BRD8: variants seen among roughly 807,000 people sequenced by gnomAD.
BRD8 encodes bromodomain-containing protein 8.
Under a neutral mutation model 143.1 loss-of-function variants are expected in BRD8, and 67 were observed. The observed-to-expected ratio is 0.47, with a 90% confidence interval of 0.38 to 0.57. BRD8 has a LOEUF of 0.57. BRD8 is among the 20% of genes least tolerant of loss of function. BRD8 has a pLI of 0.00. For synonymous variants in BRD8, 505 were observed against 517.1 expected (o/e 0.98, Z 0.32); for missense variants, 1,103 against 1,503.0 (o/e 0.73, Z 4.40).
rs78690181 is a variant in BRD8 at position 138,169,589 on chromosome 5, T to G, written c.506-231A>C. On this transcript the variant is annotated intron_variant, in intron 7 of 26. Transcript: ENST00000254900. ...AACTCCTTTAACAATCTCAAACTAC[T>G]TAATTATCCCAAAGGTCCTTGGAGT... Among the ~76,000 whole-genome samples, 168 of 152,348 alleles carry G rather than the reference T, an allele frequency of 1.1e-3. 2 individuals are homozygous for G. The East Asian group carries it at 0.032, about 29-fold the overall frequency.
intron 23 of BRD8, among the ~76,000 whole-genome samples, chr5:138,146,843 G>A (rs2151182264): frequency 6.6e-6 from 1 of 151,786 alleles, no homozygotes; most frequent in East Asian, 2.0e-4. Flanking sequence ...GGTGGCGGGT[G>A]CCTGTAGTCC....
Position 138,145,791 on chromosome 5 carries a change from G to C in BRD8, c.3366C>G (p.His1122Gln). 6.2e-7 allele frequency: 1 copy of C among 1,613,570 alleles called. No homozygotes were observed. Among genetic ancestry groups the C allele is most frequent in the Non-Finnish European group, 8.5e-7 (1 of 1,179,532 alleles). Reference sequence around the variant, plus strand: ...CTATTACCACTTTGGAGACCTACCTGTGACTGGCAATCATCTTCCAGACTG... The same window carrying C: ...CTATTACCACTTTGGAGACCTACCTCTGACTGGCAATCATCTTCCAGACTG... ...LLPVWKMIAS[H>Q]RFSSPFLKPV... Residue 1122 changes from histidine (H) to glutamine (Q), a missense_variant and splice_region_variant, in exon 24 of 27, where the codon CAC becomes CAG. Coordinates refer to ENST00000254900, the MANE Select transcript of BRD8 (RefSeq NM_139199.2).
At chr5:138,145,605 A>G (rs930805717) in intron 24 of BRD8, among the ~76,000 whole-genome samples, 184 bp downstream of exon 24, 1 of 152,216 alleles carries the variant, frequency 6.6e-6, no homozygotes, top group Non-Finnish European at 1.5e-5. Flanking sequence ...CACAGCAACT[A>G]TTTCTTGTAC....
At chr5:138,173,885 C>T (rs1754092288) in intron 2 of BRD8, among the ~76,000 whole-genome samples, 1 of 152,092 alleles carries the variant, frequency 6.6e-6, no homozygotes, top group Non-Finnish European at 1.5e-5. Context: ...GTCATATTGC[C>T]CAGACTGGTC....
chr5:138,169,407 G>A lies in BRD8; in HGVS notation c.506-49C>T, dbSNP rs898831504. The A allele has an allele frequency of 9.4e-6, 15 of 1,589,754 alleles. No individual in the cohort carries two copies. In the East Asian group the frequency reaches 3.1e-4, roughly 33 times the overall value. Reference sequence around the variant, plus strand: ...TCCAAATCTTCAAGATTAAATAAATGAAACTTGACACTAGTCTGCTATTAT... The same window carrying A: ...TCCAAATCTTCAAGATTAAATAAATAAAACTTGACACTAGTCTGCTATTAT... On this transcript the variant is annotated intron_variant, in intron 7 of 26. Coordinates refer to ENST00000254900, the MANE Select transcript of BRD8 (RefSeq NM_139199.2).
Position 138,166,105 on chromosome 5 carries a change from C to A in BRD8, c.1001G>T (p.Ser334Ile). ...VSTTESVAPV[S>I]QPDNCVPMEA... ...CATGGGAACACAGTTGTCGGGTTGA[C>A]TCACTGAGTAACAGAAAGAGAAAAG... The change falls in exon 11 of 27, where the codon AGT becomes ATT. Residue 334 changes from serine to isoleucine, a missense_variant. Coordinates refer to ENST00000254900, the MANE Select transcript of BRD8 (RefSeq NM_139199.2). 1 of 1,610,478 alleles carries A rather than the reference C, an allele frequency of 6.2e-7. No individual in the cohort carries two copies. The highest frequency in any genetic ancestry group is 8.5e-7 in the Non-Finnish European group (1 of 1,178,616).
chr5:138,143,416 C>T (rs897461712), intron 25 of BRD8, among the ~76,000 whole-genome samples: 13 of 152,150 alleles, frequency 8.5e-5, no homozygotes, highest in African/African-American at 2.9e-4. Context: ...GAGGTCAAGG[C>T]TGCAGTGAAC....
At chr5:138,165,726 C>CAAAAAAAAA (rs374362323) in intron 11 of BRD8, 102 bp downstream of exon 11, 10 of 946,428 alleles carry the variant, frequency 1.1e-5, no homozygotes, top group Middle Eastern at 3.5e-4. Flanking sequence ...ACTCTGTCTC[C>CAAAAAAAAA]AAAAAAAAAA....
At chr5:138,150,418 T>C (rs1195604858) in intron 22 of BRD8, among the ~76,000 whole-genome samples, 1 of 152,192 alleles carries the variant, frequency 6.6e-6, no homozygotes, top group Non-Finnish European at 1.5e-5. Context: ...TGCCAGATAA[T>C]ATTAATAATG....
intron 22 of BRD8, among the ~76,000 whole-genome samples, chr5:138,150,102 C>T: frequency 6.6e-6 from 1 of 151,840 alleles, no homozygotes; most frequent in Non-Finnish European, 1.5e-5. Context: ...GAGTTAACTA[C>T]TCTAGCTGGC....
chr5:138,144,924 T>C (rs111925350), intron 25 of BRD8, among the ~76,000 whole-genome samples: 1 of 132,862 alleles, frequency 7.5e-6, no homozygotes. Context: ...AAAAAATATA[T>C]ATATATATAG....
chr5:138,165,139 C>T lies in BRD8; in HGVS notation c.1306G>A (p.Val436Met). 2 of 1,614,116 alleles carry T rather than the reference C, an allele frequency of 1.2e-6. No individual in the cohort carries two copies. The highest frequency in any genetic ancestry group is 1.1e-5 in the South Asian group (1 of 91,076). The change falls in exon 12 of 27, where the codon GTG (valine) becomes ATG (methionine). Residue 436 changes from valine to methionine, a missense_variant. By Grantham distance (21) the Val-to-Met change is conservative. This residue lies in a region of BRD8 where 53 missense variants were observed against 101.4 expected (regional missense o/e 0.52). Transcript: ENST00000254900. Reference protein sequence around the residue: ...KVDDHPEVLDVAAVEAALSFC... With the variant: ...KVDDHPEVLDMAAVEAALSFC... Reference sequence around the variant, plus strand: ...GACAGTGCTGCTTCCACTGCTGCCACATCCAGCACTTCAGGATGATCATCT... The same window carrying T: ...GACAGTGCTGCTTCCACTGCTGCCATATCCAGCACTTCAGGATGATCATCT...
chr5:138,157,045 T>C, intron 20 of BRD8: 6 of 1,477,172 alleles, frequency 4.1e-6, no homozygotes, highest in South Asian at 1.4e-5. Context: ...AAACAGGCAA[T>C]TGTGCTACTC....
Position 138,169,622 on chromosome 5 carries a change from T to C in BRD8, c.506-264A>G, listed in dbSNP as rs151095647. 3.7e-3 allele frequency among the ~76,000 whole-genome samples: 567 copies of C among 152,286 alleles called. 3 individuals carry two copies. The highest frequency in any genetic ancestry group is 0.013 in the African/African-American group (537 of 41,568). On this transcript the variant is annotated intron_variant, in intron 7 of 26. Transcript: ENST00000254900. Reference sequence around the variant, plus strand: ...CCCAAAGGTCCTTGGAGTGGGAAAGTAGTTTAAACATCCTTTAATATTCTC... The same window carrying C: ...CCCAAAGGTCCTTGGAGTGGGAAAGCAGTTTAAACATCCTTTAATATTCTC...
At position 138,164,360 on chromosome 5, in the gene BRD8, A is replaced by G. The variant is rs112024089; in HGVS notation, c.1785T>C (p.Asp595=). ...TGTGCTGAGTCTCTGCCTCTAAAGG[A>G]TCTTCAATGGGATTTGAGCCATGTG... ...SPSHGSNPIE[D]PLEAETQHKF... The change falls in exon 13 of 27, where the codon GAT becomes GAC. Residue 595 remains aspartate, a synonymous_variant. Transcript: ENST00000254900. The G allele has an allele frequency of 8.7e-6, 14 of 1,614,034 alleles. No individual in the cohort carries two copies. The African/African-American group carries it at 1.5e-4, about 17-fold the overall frequency.
intron 14 of BRD8, 65 bp downstream of exon 14, chr5:138,164,022 T>C: frequency 2.6e-6 from 4 of 1,536,816 alleles, no homozygotes; most frequent in Non-Finnish European, 3.6e-6. Flanking sequence ...TGAAATTCAT[T>C]AAAAAGTAGT....
At chr5:138,173,005 G>GT (rs1410964264) in intron 2 of BRD8, among the ~76,000 whole-genome samples, 3 of 152,194 alleles carry the variant, frequency 2.0e-5, no homozygotes, top group Non-Finnish European at 4.4e-5. Context: ...ACGGGGGATA[G>GT]TAACGGGAGG....
At chr5:138,162,686 TAAA>T (rs1305423599) in intron 15 of BRD8, among the ~76,000 whole-genome samples, 2 of 149,590 alleles carry the variant, frequency 1.3e-5, no homozygotes, top group East Asian at 4.0e-4. Flanking sequence ...AAAATTTTTT[TAAA>T]ATAAAAATTT....
At chr5:138,149,948 T>C in intron 22 of BRD8, 151 bp from the exon 23 acceptor site, 1 of 717,332 alleles carries the variant, frequency 1.4e-6, no homozygotes, top group Admixed American at 3.6e-5. Context: ...CTGACTTAAC[T>C]AGATTTAAGT....
Sources: gnomAD v4.1 joint callset for allele counts (sites outside exome capture counted in the v4.1 genomes callset) on GRCh38, gnomAD v4.1.1 for gene constraint, gnomAD v4.1.1 regional missense constraint, MANE v1.5 for transcripts, NCBI Gene and HGNC (gene_info 2026-07-23, HGNC 2026-07-21) for gene names.